EXOC2: variants seen among roughly 807,000 people sequenced by gnomAD.
EXOC2 encodes SEC5-like 1.
In EXOC2, 70 loss-of-function variants were observed where a neutral mutation model predicts 131.8. That is an observed-to-expected ratio of 0.53 (90% CI 0.44 to 0.65). The LOEUF is 0.65. Among genes scored for constraint, EXOC2 ranks in the 30% least tolerant of loss-of-function variants. The pLI is 0.00. For synonymous variants in EXOC2, 411 were observed against 398.4 expected (o/e 1.03, Z -0.38); for missense variants, 923 against 1,108.6 (o/e 0.83, Z 2.38).
chr6:689,845 T>C (rs1256267134), intron 1 of EXOC2, among the ~76,000 whole-genome samples: 6 of 152,184 alleles, frequency 3.9e-5, no homozygotes, highest in African/African-American at 1.4e-4. Context: ...AGACAAGTGC[T>C]AGGTGGTTAT....
In EXOC2 at chr6:573,748, A is replaced by G. The variant is rs534241496; in HGVS notation, c.1319-1104T>C. 3.9e-5 allele frequency among the ~76,000 whole-genome samples: 6 copies of G among 152,170 alleles called. No homozygotes were observed. The South Asian group carries it at 1.2e-3, about 32-fold the overall frequency. ...ATTTAATAATTTAAATAGTTATTTG[A>G]TCAGGTAATACATGGTTAGAAAATG... On this transcript the variant is annotated intron_variant, in intron 12 of 27. Transcript: ENST00000230449.
chr6:603,358 T>C (rs6597131), intron 7 of EXOC2, among the ~76,000 whole-genome samples: 13,604 of 152,214 alleles, frequency 0.089, 1,036 homozygotes, highest in African/African-American at 0.21. Context: ...CTGCCGGCTA[T>C]ACCATAACGA....
intron 1 of EXOC2, chr6:669,865 T>C (rs1460947324): frequency 6.6e-6 from 1 of 152,184 alleles, no homozygotes; most frequent in Non-Finnish European, 1.5e-5. Context: ...TAGTTTTAGT[T>C]CCTCTTCATA....
At chr6:497,612 A>C in intron 24 of EXOC2, 123 bp from the exon 25 acceptor site, 1 of 1,278,128 alleles carries the variant, frequency 7.8e-7, no homozygotes, top group Non-Finnish European at 1.1e-6. Context: ...CATTTTTAAA[A>C]GGCCAAAATT....
intron 22 of EXOC2, among the ~76,000 whole-genome samples, chr6:547,429 C>A (rs994617329): frequency 6.6e-6 from 1 of 152,210 alleles, no homozygotes; most frequent in African/African-American, 2.4e-5. Context: ...CTATGAGAGA[C>A]CCTCATCTTC....
intron 10 of EXOC2, among the ~76,000 whole-genome samples, chr6:597,379 A>G (rs1766836): frequency 0.11 from 17,327 of 151,892 alleles, 1,357 homozygotes; most frequent in African/African-American, 0.23. Context: ...GTTTCACCAC[A>G]TTGGTCAGGC....
chr6:564,168 C>T lies in EXOC2; in HGVS notation c.1668-14G>A, dbSNP rs1757846026. On this transcript the variant is annotated splice_polypyrimidine_tract_variant and intron_variant, in intron 15 of 27. Transcript: ENST00000230449. ...TCATGAGTAAGTCTGCGAACAAACA[C>T]ATCCAAACAGAAGTGAGCAGAGTGG... The T allele has an allele frequency of 6.2e-7, 1 of 1,612,862 alleles. No individual in the cohort carries two copies. Among genetic ancestry groups the T allele is most frequent in the African/African-American group, 1.3e-5 (1 of 74,874 alleles).
At chr6:658,666 T>TATATATA (rs1554146211) in intron 1 of EXOC2, among the ~76,000 whole-genome samples, 1,455 of 65,436 alleles carry the variant, frequency 0.022, 26 homozygotes, top group African/African-American at 0.058. Context: ...TATATATATA[T>TATATATA]TTTTTTTTTT....
At chr6:599,318 T>C (rs1759995564) in intron 7 of EXOC2, 93 bp from the exon 8 acceptor site, 1 of 1,161,588 alleles carries the variant, frequency 8.6e-7, no homozygotes, top group African/African-American at 1.6e-5. Context: ...TTAATACTGC[T>C]ATTGTAGTTT....
chr6:619,601 A>C (rs1761185348), intron 4 of EXOC2, 58 bp from the exon 5 acceptor site: 15 of 1,132,818 alleles, frequency 1.3e-5, no homozygotes, highest in Non-Finnish European at 1.7e-5. Flanking sequence ...AAAATGGAAA[A>C]GGTATCACTA....
chr6:515,154 T>G (rs910917475), intron 23 of EXOC2, among the ~76,000 whole-genome samples: 1 of 152,146 alleles, frequency 6.6e-6, no homozygotes, highest in South Asian at 2.1e-4. Context: ...GGAATACACA[T>G]TTTTCAGCTG....
chr6:652,245 C>A (rs951270493), intron 1 of EXOC2, among the ~76,000 whole-genome samples: 1 of 152,164 alleles, frequency 6.6e-6, no homozygotes, highest in African/African-American at 2.4e-5. Flanking sequence ...ACTGTTTAAA[C>A]TTCCCATGTT....
chr6:680,272 G>C (rs1764342085), intron 1 of EXOC2, among the ~76,000 whole-genome samples: 1 of 152,028 alleles, frequency 6.6e-6, no homozygotes, highest in Admixed American at 6.5e-5. Flanking sequence ...TTTTTCATAT[G>C]GTCTAAAAGT....
intron 1 of EXOC2, among the ~76,000 whole-genome samples, chr6:654,484 T>A (rs1287540461): frequency 6.6e-6 from 1 of 151,814 alleles, no homozygotes; most frequent in South Asian, 2.1e-4. Flanking sequence ...GCAAGTATGG[T>A]GGAAGTAGCA....
chr6:564,260 A>T, intron 15 of EXOC2, 106 bp from the exon 16 acceptor site: 3 of 1,474,442 alleles, frequency 2.0e-6, no homozygotes, highest in Admixed American at 4.8e-5. Flanking sequence ...TACGAGCTAC[A>T]GCATTAGGCT....
Position 521,876 on chromosome 6 carries a change from CTAAT to C in EXOC2, c.2380+10589_2380+10592del, listed in dbSNP as rs1423043856. Among the ~76,000 whole-genome samples the C allele has an allele frequency of 1.1e-4, 17 of 152,184 alleles. No individual in the cohort carries two copies. In the East Asian group the frequency reaches 3.3e-3, roughly 29 times the overall value. On this transcript the variant is annotated intron_variant, in intron 23 of 27. Transcript: ENST00000230449. ...TCCATGTTATTTTTGGTTATTTATC[CTAAT>C]TAATAAACCAAAGTTCTCTTTTTGA...
At chr6:685,127 AACACACAC>A (rs35607623) in intron 1 of EXOC2, among the ~76,000 whole-genome samples, 6 of 149,512 alleles carry the variant, frequency 4.0e-5, no homozygotes, top group Non-Finnish European at 5.9e-5. Flanking sequence ...ATCATTTGAA[AACACACAC>A]ACACACACAC....
chr6:496,286 C>T (rs565148729), intron 25 of EXOC2, among the ~76,000 whole-genome samples: 2 of 152,252 alleles, frequency 1.3e-5, no homozygotes, highest in Admixed American at 6.5e-5. Flanking sequence ...ATTTGCATCC[C>T]GGACATTGTG....
chr6:663,300 T>C (rs1006226234), intron 1 of EXOC2, among the ~76,000 whole-genome samples: 5 of 152,080 alleles, frequency 3.3e-5, no homozygotes, highest in Admixed American at 2.0e-4. Flanking sequence ...GAAATGGTAA[T>C]TAAGAAATTA....
Sources: gnomAD v4.1 joint callset for allele counts (sites outside exome capture counted in the v4.1 genomes callset) on GRCh38, gnomAD v4.1.1 for gene constraint, MANE v1.5 for transcripts, NCBI Gene and HGNC (gene_info 2026-07-23, HGNC 2026-07-21) for gene names.